Variants in SPHKAP observed in about 807,000 individuals in gnomAD.
The protein encoded by SPHKAP is SPHK1 interactor, AKAP domain containing.
SPHKAP carries 67 observed loss-of-function variants against 137.5 expected under a neutral mutation model. The ratio of observed to expected loss-of-function variants is 0.49; its 90% CI spans 0.40 to 0.60. The LOEUF (loss-of-function observed/expected upper bound fraction) is 0.60, where lower values mean the gene tolerates loss of function less well. Ranked by LOEUF, SPHKAP falls within the 20% of genes least tolerant of loss-of-function variation. The pLI is 0.00. For missense variants in SPHKAP, 2,097 were observed against 2,069.3 expected (o/e 1.01, Z -0.26); for synonymous variants, 813 against 785.3 (o/e 1.04, Z -0.59).
At chr2:228,117,919 T>A (rs1698765325) in intron 2 of SPHKAP, among the ~76,000 whole-genome samples, 1 of 148,678 alleles carries the variant, frequency 6.7e-6, no homozygotes, top group African/African-American at 2.5e-5. Flanking sequence ...AAGTGAAAAA[T>A]AGTGACAAAT....
chr2:228,037,698 C>T lies in SPHKAP; in HGVS notation c.247-10155G>A, dbSNP rs112655449. On this transcript the variant is annotated intron_variant, in intron 3 of 11. Transcript: ENST00000392056. ...CGGGGAGATAAGAGGTAGTAGGAGT[C>T]GAAATGGAAAGAGATAAGCATAGTT... Among the ~76,000 whole-genome samples, 165 of 152,086 alleles carry T rather than the reference C, an allele frequency of 1.1e-3. 1 individual carries two copies. Among genetic ancestry groups the T allele is most frequent in the African/African-American group, 3.5e-3 (146 of 41,494 alleles).
At chr2:228,103,257 A>G (rs990094949) in intron 3 of SPHKAP, among the ~76,000 whole-genome samples, 2 of 152,204 alleles carry the variant, frequency 1.3e-5, no homozygotes, top group African/African-American at 4.8e-5. Flanking sequence ...ACTGAAAGTC[A>G]GAAAGTTTCT....
At chr2:228,108,719 T>A (rs1698418808) in intron 3 of SPHKAP, 113 bp downstream of exon 3, 2 of 701,082 alleles carry the variant, frequency 2.9e-6, no homozygotes, top group Non-Finnish European at 4.8e-6. Flanking sequence ...TTCAAAGGAA[T>A]ATTTTCTCAA....
rs553092287 is a variant in SPHKAP, at chr2:228,066,108, A to T, written c.247-38565T>A. 3.3e-5 allele frequency among the ~76,000 whole-genome samples: 5 copies of T among 152,284 alleles called. No homozygotes were observed. The East Asian group carries it at 9.7e-4, about 29-fold the overall frequency. On this transcript the variant is annotated intron_variant, in intron 3 of 11. Coordinates refer to ENST00000392056, the MANE Select transcript of SPHKAP (RefSeq NM_001142644.2). ...GTGGAATTTAATTATGTCCTTAGAGACTAAGAGCCAAGCAAAACCCTGTAG... is the reference window on the plus strand; with the variant it reads ...GTGGAATTTAATTATGTCCTTAGAGTCTAAGAGCCAAGCAAAACCCTGTAG...
At chr2:228,011,289 C>T (rs1213555313) in intron 7 of SPHKAP, among the ~76,000 whole-genome samples, 1 of 150,756 alleles carries the variant, frequency 6.6e-6, no homozygotes, top group Non-Finnish European at 1.5e-5. Context: ...CCATAGTTCA[C>T]ACCTTTACTG....
chr2:228,133,046 C>A (rs1457043960), intron 1 of SPHKAP, among the ~76,000 whole-genome samples: 1 of 151,958 alleles, frequency 6.6e-6, no homozygotes, highest in Non-Finnish European at 1.5e-5. Flanking sequence ...GTGGCTCACG[C>A]CTGTAATACC....
intron 1 of SPHKAP, among the ~76,000 whole-genome samples, chr2:228,177,123 C>T (rs1017280280): frequency 1.4e-5 from 2 of 139,072 alleles, no homozygotes; most frequent in Admixed American, 7.1e-5. Flanking sequence ...GACCCATTTA[C>T]AAGATCATGG....
intron 7 of SPHKAP, among the ~76,000 whole-genome samples, chr2:228,012,171 AAAAAAAAAAAAAAAAAAG>A (rs1694405184): frequency 8.9e-6 from 1 of 112,690 alleles, no homozygotes; most frequent in Non-Finnish European, 2.0e-5. Context: ...CTCAAAAAAA[AAAAAAAAAAAAAAAAAAG>A]AAAGAAAGAA....
intron 1 of SPHKAP, among the ~76,000 whole-genome samples, chr2:228,166,584 A>G (rs186418119): frequency 2.0e-5 from 3 of 152,288 alleles, no homozygotes; most frequent in Admixed American, 6.5e-5. Context: ...CTTGTATCAT[A>G]TCTTCTCCTT....
chr2:228,095,557 G>A (rs1697954447), intron 3 of SPHKAP, among the ~76,000 whole-genome samples: 1 of 152,098 alleles, frequency 6.6e-6, no homozygotes, highest in Non-Finnish European at 1.5e-5. Context: ...GTGAAAACAT[G>A]TCAGTAGATT....
chr2:227,989,910 C>G (rs1693353688), intron 11 of SPHKAP, among the ~76,000 whole-genome samples: 1 of 152,106 alleles, frequency 6.6e-6, no homozygotes, highest in Non-Finnish European at 1.5e-5. Flanking sequence ...AGCCACTGCA[C>G]CTGGCCTAAT....
At chr2:228,158,770 A>G (rs986314765) in intron 1 of SPHKAP, among the ~76,000 whole-genome samples, 2 of 152,192 alleles carry the variant, frequency 1.3e-5, no homozygotes, top group African/African-American at 4.8e-5. Flanking sequence ...TATTTCAAAT[A>G]CAACTTATTT....
Position 228,001,720 on chromosome 2 carries a change from T to G in SPHKAP, c.4449-6026A>C, listed in dbSNP as rs200402302. Among the ~76,000 whole-genome samples the G allele has an allele frequency of 2.7e-4, 41 of 151,804 alleles. 1 individual carries two copies. In the East Asian group the frequency reaches 7.8e-3, roughly 29 times the overall value. Reference sequence around the variant, plus strand: ...ATCTCCTAATGCTATCCCTCCCCGCTCCCCGCAGCCCACAACAGGCCCTGG... The same window carrying G: ...ATCTCCTAATGCTATCCCTCCCCGCGCCCCGCAGCCCACAACAGGCCCTGG... On this transcript the variant is annotated intron_variant, in intron 7 of 11. Coordinates refer to ENST00000392056, the MANE Select transcript of SPHKAP (RefSeq NM_001142644.2).
chr2:228,156,807 C>A (rs1363228040), intron 1 of SPHKAP, among the ~76,000 whole-genome samples: 1 of 152,150 alleles, frequency 6.6e-6, no homozygotes, highest in Non-Finnish European at 1.5e-5. Flanking sequence ...AGGTCCCTTG[C>A]ACATGCCCTC....
At chr2:228,074,224 G>C (rs1697100245) in intron 3 of SPHKAP, among the ~76,000 whole-genome samples, 1 of 152,170 alleles carries the variant, frequency 6.6e-6, no homozygotes, top group Non-Finnish European at 1.5e-5. Context: ...GTGTGTTCAA[G>C]TACACAAAAT....
At position 228,026,593 on chromosome 2, in the gene SPHKAP, C is replaced by T. The variant is rs1012212665; in HGVS notation, c.306+891G>A. Among the ~76,000 whole-genome samples, 3 of 136,008 alleles carry T rather than the reference C, an allele frequency of 2.2e-5. No homozygotes were observed. The East Asian group carries it at 6.5e-4, about 30-fold the overall frequency. The allele number at this position is 136,008 out of a possible 152,430, so 89.2% of individuals were successfully genotyped here. A position where few individuals can be genotyped will look rare whatever the true frequency, so the allele number is the denominator to read the frequency against. ...ACGTAAACTCTTCAAACACACTACTCTTAGATACCAACTTGCTTTGGCCCT... is the reference window on the plus strand; with the variant it reads ...ACGTAAACTCTTCAAACACACTACTTTTAGATACCAACTTGCTTTGGCCCT... On this transcript the variant is annotated intron_variant, in intron 4 of 11. Transcript: ENST00000392056.
rs140410824 is a variant in SPHKAP, at chr2:228,027,455, T to A, written c.306+29A>T. On this transcript the variant is annotated intron_variant, in intron 4 of 11. Coordinates refer to ENST00000392056, the MANE Select transcript of SPHKAP (RefSeq NM_001142644.2). ...AAGTTGAATAGTCCTTGTAATGACCTCCCGGTCAGCTTGAGTTTCAAATGT... is the reference window on the plus strand; with the variant it reads ...AAGTTGAATAGTCCTTGTAATGACCACCCGGTCAGCTTGAGTTTCAAATGT... 4,362 of 1,607,736 alleles carry A rather than the reference T, an allele frequency of 2.7e-3. 11 individuals carry two copies. Among genetic ancestry groups the A allele is most frequent in the Middle Eastern group, 3.6e-3 (22 of 6,042 alleles).
At chr2:228,086,492 T>C (rs1697543428) in intron 3 of SPHKAP, among the ~76,000 whole-genome samples, 1 of 152,070 alleles carries the variant, frequency 6.6e-6, no homozygotes, top group African/African-American at 2.4e-5. Flanking sequence ...GATACTAAAT[T>C]CTCAATGAGT....
chr2:227,997,170 C>G (rs954689383), intron 7 of SPHKAP, among the ~76,000 whole-genome samples: 3 of 152,204 alleles, frequency 2.0e-5, no homozygotes, highest in Admixed American at 2.0e-4. Flanking sequence ...TGAAGCCAAA[C>G]TCTATCCGTT....
Sources: allele counts gnomAD v4.1 joint callset (sites outside exome capture counted in the v4.1 genomes callset), GRCh38; gene constraint gnomAD v4.1.1; transcripts MANE v1.5; gene names NCBI Gene and HGNC (gene_info 2026-07-23, HGNC 2026-07-21).